Variants in ERCC4 observed in about 807,000 individuals in gnomAD.
ERCC4 encodes DNA repair endonuclease XPF.
A neutral mutation model predicts 76.9 loss-of-function variants in ERCC4; 65 were observed. That is an observed-to-expected ratio of 0.84 (90% CI 0.69 to 1.04). The LOEUF is 1.04. Ranked by LOEUF, ERCC4 falls within the 50% of genes least tolerant of loss-of-function variation. ERCC4 has a pLI of 0.00. For synonymous variants in ERCC4, 463 were observed against 410.1 expected (o/e 1.13, Z -1.56); for missense variants, 1,214 against 1,128.2 (o/e 1.08, Z -1.09).
At position 13,948,910 on chromosome 16, in the gene ERCC4, A is replaced by T. The variant is rs1275540706; in HGVS notation, c.*563A>T. 1 of 232,498 alleles carries T rather than the reference A, an allele frequency of 4.3e-6. No individual in the cohort carries two copies. Among genetic ancestry groups the T allele is most frequent in the Non-Finnish European group, 8.5e-6 (1 of 117,684 alleles). The allele number at this position is 232,498 out of a possible 1,614,324, so 14.4% of individuals were successfully genotyped here. A position where few individuals can be genotyped will look rare whatever the true frequency, so the allele number is the denominator to read the frequency against. On this transcript the variant is annotated 3_prime_UTR_variant, in exon 11 of 11. Coordinates refer to ENST00000311895, the MANE Select transcript of ERCC4 (RefSeq NM_005236.3). ...TGTTCTGACCCTTTGTCTACAAAGG[A>T]GCCTTCTGGAACACTGAGAAGAAAC...
chr16:13,937,762 G>A lies in ERCC4; in HGVS notation c.1812-4G>A, dbSNP rs2141610317. On this transcript the variant is annotated splice_region_variant and splice_polypyrimidine_tract_variant and intron_variant, in intron 8 of 10. Coordinates refer to ENST00000311895, the MANE Select transcript of ERCC4 (RefSeq NM_005236.3). ...CAACCTAAAAGTTCTGTCTTAACAT[G>A]CAGGGTTTACTTTCTTATATACGGA... The A allele has an allele frequency of 1.9e-6, 3 of 1,595,916 alleles. No homozygotes were observed. The highest frequency in any genetic ancestry group is 2.7e-5 in the African/African-American group (2 of 74,670).
At chr16:13,923,393 C>CAGAG (rs1338696154) in intron 2 of ERCC4, among the ~76,000 whole-genome samples, 19 of 151,296 alleles carry the variant, frequency 1.3e-4, no homozygotes, top group African/African-American at 4.4e-4. Context: ...TAGTGAACTT[C>CAGAG]TGGAGGCAGA....
In ERCC4 at chr16:13,949,647, A is replaced by G. The variant is rs1355524246; in HGVS notation, c.*1300A>G. On this transcript the variant is annotated 3_prime_UTR_variant, in exon 11 of 11. Coordinates refer to ENST00000311895, the MANE Select transcript of ERCC4 (RefSeq NM_005236.3). ...AAGAAATATATACGTTTAAAAATCCATAAAGAAAAAAATCTCATTCTAAAC... is the reference window on the plus strand; with the variant it reads ...AAGAAATATATACGTTTAAAAATCCGTAAAGAAAAAAATCTCATTCTAAAC... 2 of 232,722 alleles carry G rather than the reference A, an allele frequency of 8.6e-6. No individual in the cohort carries two copies. The highest frequency in any genetic ancestry group is 2.2e-5 in the African/African-American group (1 of 45,350). 14.4% of individuals were successfully genotyped at this position (232,722 alleles called of 1,614,324 possible). A position where few individuals can be genotyped will look rare whatever the true frequency, so the allele number is the denominator to read the frequency against.
At chr16:13,929,909 A>G (rs1276126158) in intron 4 of ERCC4, among the ~76,000 whole-genome samples, 1 of 152,202 alleles carries the variant, frequency 6.6e-6, no homozygotes, top group Non-Finnish European at 1.5e-5. Flanking sequence ...GGTTGCAGTG[A>G]GCCGAGATTG....
chr16:13,939,491 G>A (rs895470538), intron 9 of ERCC4, among the ~76,000 whole-genome samples: 16 of 152,224 alleles, frequency 1.1e-4, no homozygotes, highest in South Asian at 8.3e-4. Flanking sequence ...CAAGCTGATC[G>A]GGAGCCGCTT....
intron 3 of ERCC4, among the ~76,000 whole-genome samples, chr16:13,927,284 T>G (rs1234987977): frequency 6.6e-6 from 1 of 152,190 alleles, no homozygotes; most frequent in African/African-American, 2.4e-5. Flanking sequence ...GTACACCGGG[T>G]GCAGTGGCTT....
At chr16:13,943,061 T>C (rs889766700) in intron 9 of ERCC4, among the ~76,000 whole-genome samples, 1 of 152,264 alleles carries the variant, frequency 6.6e-6, no homozygotes, top group Non-Finnish European at 1.5e-5. Context: ...TGCCCCCTTG[T>C]GATCTACTTA....
intron 6 of ERCC4, 79 bp from the exon 7 acceptor site, chr16:13,934,113 T>C: frequency 1.2e-6 from 1 of 857,992 alleles, no homozygotes. Context: ...GCTCGTGTTA[T>C]CTGTTGTTTT....
intron 5 of ERCC4, chr16:13,931,956 G>C (rs2032180118): frequency 1.7e-6 from 1 of 585,044 alleles, no homozygotes. Flanking sequence ...AAATATCTTG[G>C]GGGCCCCTGG....
Position 13,935,192 on chromosome 16 carries a change from G to A in ERCC4, c.1260G>A (p.Leu420=), listed in dbSNP as rs2032258544. 6.2e-7 allele frequency: 1 copy of A among 1,614,100 alleles called. No individual in the cohort carries two copies. The highest frequency in any genetic ancestry group is 8.5e-7 in the Non-Finnish European group (1 of 1,180,008). ...CASDDRTCSQ[L]RDYITLGAEA... Reference sequence around the variant, plus strand: ...GTGATGACCGAACATGTTCCCAGCTGAGAGACTATATCACTCTTGGAGCGG... The same window carrying A: ...GTGATGACCGAACATGTTCCCAGCTAAGAGACTATATCACTCTTGGAGCGG... The change falls in exon 8 of 11, where the codon CTG becomes CTA. Residue 420 remains leucine (L), a synonymous_variant. Coordinates refer to ENST00000311895, the MANE Select transcript of ERCC4 (RefSeq NM_005236.3).
At chr16:13,938,003 TC>T (rs2032338032) in intron 9 of ERCC4, 145 bp downstream of exon 9, 1 of 667,024 alleles carries the variant, frequency 1.5e-6, no homozygotes, top group Non-Finnish European at 2.7e-6. Flanking sequence ...GTCTGAATTG[TC>T]CTCCAGTGTA....
intron 1 of ERCC4, among the ~76,000 whole-genome samples, chr16:13,921,015 G>T (rs1428378338): frequency 6.6e-6 from 1 of 152,200 alleles, no homozygotes; most frequent in Non-Finnish European, 1.5e-5. Context: ...ATGTCGGAAG[G>T]AGGATCTGGA....
chr16:13,928,067 A>G lies in ERCC4; in HGVS notation c.624A>G (p.Lys208=). The G allele has an allele frequency of 1.2e-6, 2 of 1,613,710 alleles. No individual in the cohort carries two copies. The highest frequency in any genetic ancestry group is 2.2e-5 in the South Asian group (2 of 91,074). The change falls in exon 4 of 11, where the codon AAA becomes AAG. Residue 208 remains lysine, a synonymous_variant. Transcript: ENST00000311895. ...VAVNSFLEQH[K]PEVVEIHVSM... ...TAAACTCATTTTTAGAACAGCACAA[A>G]CCTGAAGTTGTAGAAATCCATGTTT... is the stretch of plus-strand genomic sequence containing the variant.
chr16:13,947,783 C>T lies in ERCC4; in HGVS notation c.2187C>T (p.Ile729=), dbSNP rs746273815. Reference sequence around the variant, plus strand: ...AAATGTGCGTGGAGCGCAAGAGTATCAGTGATTTAATCGGCTCTTTAAATA... The same window carrying T: ...AAATGTGCGTGGAGCGCAAGAGTATTAGTGATTTAATCGGCTCTTTAAATA... ...TPEMCVERKS[I]SDLIGSLNNG... The change falls in exon 11 of 11, where the codon ATC becomes ATT. Residue 729 remains isoleucine (I), a synonymous_variant. Transcript: ENST00000311895. 1 of 1,614,248 alleles carries T rather than the reference C, an allele frequency of 6.2e-7. No homozygotes were observed. The highest frequency in any genetic ancestry group is 1.1e-5 in the South Asian group (1 of 91,086).
chr16:13,925,464 C>T (rs1022315811), intron 2 of ERCC4, among the ~76,000 whole-genome samples: 1 of 152,102 alleles, frequency 6.6e-6, no homozygotes, highest in African/African-American at 2.4e-5. Context: ...CTATGAATTC[C>T]TAAATAACAT....
Position 13,951,541 on chromosome 16 carries a change from C to T in ERCC4, c.*3194C>T, listed in dbSNP as rs959845041. The T allele has an allele frequency of 1.1e-4, 23 of 213,498 alleles. No homozygotes were observed. The highest frequency in any genetic ancestry group is 3.5e-4 in the Admixed American group (6 of 17,100). The allele number at this position is 213,498 out of a possible 1,614,324, so 13.2% of individuals were successfully genotyped here. A position where few individuals can be genotyped will look rare whatever the true frequency, so the allele number is the denominator to read the frequency against. ...GCTATTACTAATTCAGCCTGAAGCT[C>T]GGTAGACAATATGTCTACATGTGTT... On this transcript the variant is annotated 3_prime_UTR_variant, in exon 11 of 11. Transcript: ENST00000311895.
chr16:13,930,334 C>T (rs1027040710), intron 4 of ERCC4, among the ~76,000 whole-genome samples: 4 of 151,960 alleles, frequency 2.6e-5, no homozygotes, highest in African/African-American at 9.7e-5. Flanking sequence ...CATATCTGAG[C>T]TACATGCTTA....
chr16:13,944,734 G>A lies in ERCC4; in HGVS notation c.1916G>A (p.Ser639Asn). 6.2e-6 allele frequency: 10 copies of A among 1,612,150 alleles called. No individual in the cohort carries two copies. The highest frequency in any genetic ancestry group is 8.5e-6 in the Non-Finnish European group (10 of 1,178,188). Reference sequence around the variant, plus strand: ...GTTTTCTCCCACAGGGAAAAAGCAAGCATGGTTGTCCCTGAAGAAAGAGAA... The same window carrying A: ...GTTTTCTCCCACAGGGAAAAAGCAAACATGGTTGTCCCTGAAGAAAGAGAA... ...AFEKLIREKA[S>N]MVVPEEREGR... Residue 639 changes from serine (S) to asparagine (N), a missense_variant, in exon 10 of 11, where the codon AGC becomes AAC. Transcript: ENST00000311895.
At chr16:13,926,801 CTT>C (rs764739513) in intron 3 of ERCC4, 45 bp downstream of exon 3, 55 of 1,449,566 alleles carry the variant, frequency 3.8e-5, no homozygotes, top group Non-Finnish European at 5.1e-5. Flanking sequence ...TATTTGTCAT[CTT>C]TGTTTGTGAG....
Sources: gnomAD v4.1 joint callset for allele counts (sites outside exome capture counted in the v4.1 genomes callset) on GRCh38, gnomAD v4.1.1 for gene constraint, MANE v1.5 for transcripts, NCBI Gene and HGNC (gene_info 2026-07-23, HGNC 2026-07-21) for gene names.